ELAVL2: variants seen among roughly 807,000 people sequenced by gnomAD.
ELAVL2 encodes the protein ELAV like RNA binding protein 2.
Under a neutral mutation model 34.6 loss-of-function variants are expected in ELAVL2, and 4 were observed. The ratio of observed to expected loss-of-function variants is 0.12; its 90% CI spans 0.06 to 0.26. The LOEUF is 0.26. Among genes scored for constraint, ELAVL2 ranks in the 10% least tolerant of loss-of-function variants. The pLI is 1.00. For missense variants in ELAVL2, 432 were observed against 442.8 expected, an observed-to-expected ratio of 0.98 and a Z score of 0.22; for synonymous variants, 193 against 154.8, an observed-to-expected ratio of 1.25 and a Z score of -1.83.
At chr9:23,784,267 A>C (rs1336561473) in intron 1 of ELAVL2, among the ~76,000 whole-genome samples, 1 of 152,202 alleles carries the variant, frequency 6.6e-6, no homozygotes, top group African/African-American at 2.4e-5. Flanking sequence ...AAGGGAACTT[A>C]GTGGGAGAGA....
At chr9:23,795,933 C>T (rs558255766) in intron 1 of ELAVL2, among the ~76,000 whole-genome samples, 62 of 152,244 alleles carry the variant, frequency 4.1e-4, no homozygotes, top group Middle Eastern at 6.8e-3. Flanking sequence ...TCTTACAAAC[C>T]GGGGGAAAAA....
At chr9:23,702,515 G>A (rs1354459138) in intron 4 of ELAVL2, among the ~76,000 whole-genome samples, 1 of 151,650 alleles carries the variant, frequency 6.6e-6, no homozygotes, top group Non-Finnish European at 1.5e-5. Context: ...GTCATCATGA[G>A]ATAAGCAGTG....
chr9:23,741,037 G>A (rs2049031902), intron 2 of ELAVL2, among the ~76,000 whole-genome samples: 1 of 152,140 alleles, frequency 6.6e-6, no homozygotes, highest in Non-Finnish European at 1.5e-5. Flanking sequence ...GAGAGAGGCA[G>A]GCACCTAATG....
At chr9:23,786,039 C>T (rs2059636574) in intron 1 of ELAVL2, among the ~76,000 whole-genome samples, 1 of 152,172 alleles carries the variant, frequency 6.6e-6, no homozygotes, top group Non-Finnish European at 1.5e-5. Context: ...TACTCTGTCT[C>T]AAGCTAGCTG....
chr9:23,700,844 GA>G (rs2036947513), intron 5 of ELAVL2, among the ~76,000 whole-genome samples: 1 of 150,884 alleles, frequency 6.6e-6, no homozygotes, highest in Admixed American at 6.6e-5. Context: ...GAAACAGCTT[GA>G]CCTAAAAATT....
At chr9:23,707,351 C>T (rs1421715714) in intron 3 of ELAVL2, among the ~76,000 whole-genome samples, 4 of 152,216 alleles carry the variant, frequency 2.6e-5, no homozygotes, top group Non-Finnish European at 5.9e-5. Context: ...ACCTCACCAG[C>T]TGGGACGTGC....
At chr9:23,738,632 A>G (rs1034556583) in intron 2 of ELAVL2, among the ~76,000 whole-genome samples, 4 of 152,218 alleles carry the variant, frequency 2.6e-5, no homozygotes, top group Non-Finnish European at 5.9e-5. Flanking sequence ...CCAAATGCTA[A>G]TAAAGCTGGC....
At chr9:23,754,449 T>C (rs1315940059) in intron 2 of ELAVL2, among the ~76,000 whole-genome samples, 1 of 152,114 alleles carries the variant, frequency 6.6e-6, no homozygotes, top group Non-Finnish European at 1.5e-5. Flanking sequence ...CATTAAGTTT[T>C]TTTTTTTTAT....
At chr9:23,732,927 T>G (rs2046938071) in intron 2 of ELAVL2, among the ~76,000 whole-genome samples, 2 of 152,126 alleles carry the variant, frequency 1.3e-5, no homozygotes, top group African/African-American at 4.8e-5. Context: ...ACATGCTTAC[T>G]GTTAAAGATT....
chr9:23,777,034 T>C (rs2058317904), intron 1 of ELAVL2, among the ~76,000 whole-genome samples: 1 of 152,194 alleles, frequency 6.6e-6, no homozygotes, highest in Non-Finnish European at 1.5e-5. Flanking sequence ...TACAACTTCA[T>C]CCTATGTAAA....
intron 1 of ELAVL2, among the ~76,000 whole-genome samples, chr9:23,783,285 A>G (rs975328538): frequency 6.7e-6 from 1 of 149,718 alleles, no homozygotes; most frequent in Non-Finnish European, 1.5e-5. Flanking sequence ...GCTTGTAAAC[A>G]AAAGTAAATA....
intron 1 of ELAVL2, among the ~76,000 whole-genome samples, chr9:23,794,251 G>T (rs1463816726): frequency 2.6e-5 from 4 of 152,172 alleles, no homozygotes; most frequent in African/African-American, 9.7e-5. Context: ...TCAGGGCCTG[G>T]AATCAAAAGC....
At chr9:23,779,712 A>G (rs1380047679) in intron 1 of ELAVL2, among the ~76,000 whole-genome samples, 1 of 151,984 alleles carries the variant, frequency 6.6e-6, no homozygotes, top group Non-Finnish European at 1.5e-5. Context: ...ATTCATAAGG[A>G]TGGTCTCCCA....
intron 2 of ELAVL2, among the ~76,000 whole-genome samples, chr9:23,756,613 G>GT (rs1211592646): frequency 6.6e-6 from 1 of 152,058 alleles, no homozygotes; most frequent in African/African-American, 2.4e-5. Context: ...TATCAGATCA[G>GT]TAAGGACACA....
chr9:23,717,939 C>A (rs966515921), intron 3 of ELAVL2, among the ~76,000 whole-genome samples: 6 of 152,140 alleles, frequency 3.9e-5, no homozygotes, highest in Admixed American at 1.3e-4. Flanking sequence ...AACAAAAAAA[C>A]AACTTGCAAT....
chr9:23,743,648 T>C lies in ELAVL2; in HGVS notation c.230-12523A>G, dbSNP rs561700230. On this transcript the variant is annotated intron_variant, in intron 2 of 6. Transcript: ENST00000397312. ...TTGCTGCTAATTCTGGATACATCTT[T>C]CCTATGAAACAGGAAAAACCTAAAC... Among the ~76,000 whole-genome samples, 4 of 152,292 alleles carry C rather than the reference T, an allele frequency of 2.6e-5. No individual in the cohort carries two copies. In the South Asian group the frequency reaches 8.3e-4, roughly 32 times the overall value.
intron 4 of ELAVL2, among the ~76,000 whole-genome samples, chr9:23,703,651 T>C (rs563236042): frequency 1.3e-5 from 2 of 152,270 alleles, no homozygotes; most frequent in South Asian, 4.2e-4. Flanking sequence ...ACTTGATGAA[T>C]GAAAAATCTG....
chr9:23,708,774 T>C (rs1013244830), intron 3 of ELAVL2, among the ~76,000 whole-genome samples: 2 of 152,128 alleles, frequency 1.3e-5, no homozygotes, highest in African/African-American at 4.8e-5. Flanking sequence ...TCCAAGTAGC[T>C]GGGATTACAG....
the ELAVL2 span, among the ~76,000 whole-genome samples, chr9:23,844,353 T>C: frequency 1.3e-5 from 2 of 152,102 alleles, no homozygotes; most frequent in African/African-American, 4.8e-5. Flanking sequence ...ATGATGTCTG[T>C]TGAGTGAAGT....
Sources: gnomAD v4.1 joint callset for allele counts (sites outside exome capture counted in the v4.1 genomes callset) on GRCh38, gnomAD v4.1.1 for gene constraint, MANE v1.5 for transcripts, NCBI Gene and HGNC (gene_info 2026-07-23, HGNC 2026-07-21) for gene names.